Variants in TMED7 observed in about 807,000 individuals in gnomAD.
TMED7 encodes the protein transmembrane p24 trafficking protein 7, also known as transmembrane emp24 domain-containing protein 7.
A neutral mutation model predicts 23.4 loss-of-function variants in TMED7; 8 were observed. The observed-to-expected ratio is 0.34, with a 90% CI of 0.20 to 0.62. TMED7 has a LOEUF of 0.62. TMED7 is among the 20% of genes least tolerant of loss of function. The probability of loss-of-function intolerance (pLI) is 0.77; values close to 1 mark genes in which losing one functional copy is unlikely to be tolerated. For synonymous variants in TMED7, 121 were observed against 108.5 expected (o/e 1.12, Z -0.72); for missense variants, 232 against 279.1 (o/e 0.83, Z 1.20).
At chr5:115,622,094 A>G (rs1757049350) in intron 1 of TMED7, among the ~76,000 whole-genome samples, 1 of 152,158 alleles carries the variant, frequency 6.6e-6, no homozygotes, top group Admixed American at 6.5e-5. Flanking sequence ...CCTCACCAAA[A>G]AGTCAGTAAC....
intron 1 of TMED7, among the ~76,000 whole-genome samples, chr5:115,625,169 C>T (rs1442352618): frequency 6.6e-6 from 1 of 152,152 alleles, no homozygotes; most frequent in Admixed American, 6.5e-5. Flanking sequence ...TGACAAGGAC[C>T]GTATTAACCA....
At position 115,625,826 on chromosome 5, in the gene TMED7, C is replaced by A; in HGVS notation, c.-34G>T. 1 of 1,384,326 alleles carries A rather than the reference C, an allele frequency of 7.2e-7. No homozygotes were observed. Among genetic ancestry groups the A allele is most frequent in the Non-Finnish European group, 9.3e-7 (1 of 1,076,376 alleles). The allele number at this position is 1,384,326 out of a possible 1,614,324, so 85.8% of individuals were successfully genotyped here. On this transcript the variant is annotated 5_prime_UTR_variant, in exon 1 of 3. Coordinates refer to ENST00000456936, the MANE Select transcript of TMED7 (RefSeq NM_181836.6). ...GGCGGCGGCGGCCTCAACCGAGCTG[C>A]GAGACGCAGGGTCAGGTCTGCGCGG... is the stretch of plus-strand genomic sequence containing the variant.
At chr5:115,621,966 T>G (rs1265585367) in intron 1 of TMED7, among the ~76,000 whole-genome samples, 2 of 152,212 alleles carry the variant, frequency 1.3e-5, no homozygotes, top group Non-Finnish European at 2.9e-5. Flanking sequence ...ATCATTTTGA[T>G]AATCTAATGA....
At chr5:115,617,293 A>G (rs1756807799) in intron 2 of TMED7, among the ~76,000 whole-genome samples, 1 of 152,200 alleles carries the variant, frequency 6.6e-6, no homozygotes, top group Non-Finnish European at 1.5e-5. Context: ...GCCTGTATTA[A>G]GAGTTTTAAA....
chr5:115,617,855 G>A (rs894515842), intron 2 of TMED7, among the ~76,000 whole-genome samples: 3 of 152,152 alleles, frequency 2.0e-5, no homozygotes, highest in Non-Finnish European at 4.4e-5. Flanking sequence ...GTGCAATGGC[G>A]CAATCTTGGC....
chr5:115,625,626 C>A lies in TMED7; in HGVS notation c.167G>T (p.Gly56Val). Residue 56 changes from glycine (G) to valine (V), a missense_variant, in exon 1 of 3, where the codon GGC (glycine) becomes GTC (valine). By Grantham distance (109) the Gly-to-Val change is moderately radical. This residue lies in a region of TMED7 where 106 missense variants were observed against 97.0 expected (regional missense o/e 1.09). Coordinates refer to ENST00000456936, the MANE Select transcript of TMED7 (RefSeq NM_181836.6). Reference sequence around the variant, plus strand: ...CTGGAACTCCAGGGTGCACTTGGTGCCCTGAGCGATGTCCTCGTAGAAGCA... The same window carrying A: ...CTGGAACTCCAGGGTGCACTTGGTGACCTGAGCGATGTCCTCGTAGAAGCA... ...KQCFYEDIAQ[G>V]TKCTLEFQVI... is the part of the protein sequence containing the mutation. 1 of 1,597,830 alleles carries A rather than the reference C, an allele frequency of 6.3e-7. No individual in the cohort carries two copies. The highest frequency in any genetic ancestry group is 1.7e-4 in the Middle Eastern group (1 of 6,022).
chr5:115,615,952 C>A lies in TMED7; in HGVS notation c.*257G>T. On this transcript the variant is annotated 3_prime_UTR_variant, in exon 3 of 3. Transcript: ENST00000456936. ...TTAGTGTGCGAAGAGTAGATATAAA[C>A]AACTGCGAACAGAGTAGATCATTGG... 1 of 468,262 alleles carries A rather than the reference C, an allele frequency of 2.1e-6. No individual in the cohort carries two copies. Among genetic ancestry groups the A allele is most frequent in the Non-Finnish European group, 3.8e-6 (1 of 260,892 alleles). The allele number at this position is 468,262 out of a possible 1,614,324, so 29.0% of individuals were successfully genotyped here. A position where few individuals can be genotyped will look rare whatever the true frequency, so the allele number is the denominator to read the frequency against.
In TMED7 at chr5:115,625,692, G is replaced by A; in HGVS notation, c.101C>T (p.Ala34Val). 1 of 1,602,528 alleles carries A rather than the reference G, an allele frequency of 6.2e-7. No homozygotes were observed. Residue 34 changes from alanine to valine, a missense_variant, in exon 1 of 3, where the codon GCC (alanine) becomes GTC (valine). By Grantham distance (64) the Ala-to-Val change is moderately conservative. Around this residue, in one of 2 missense-constraint regions of TMED7, gnomAD observed 106 missense variants for 97.0 expected, o/e 1.09. Coordinates refer to ENST00000456936, the MANE Select transcript of TMED7 (RefSeq NM_181836.6). ...LLLLVPGPGG[A>V]SEITFELPDN... is the part of the protein sequence containing the mutation. ...AGGAAGCTCGAAGGTGATCTCAGAG[G>A]CGCCGCCGGGTCCAGGCACCAGTAG...
rs1219358745 is a variant in TMED7, at chr5:115,614,711, G to A, written c.*1498C>T. ...AGGCATGACAACTTGAATTTGTTTT[G>A]CTCTTCCATGCAAGAAGTATATATA... On this transcript the variant is annotated 3_prime_UTR_variant, in exon 3 of 3. Transcript: ENST00000456936. The A allele has an allele frequency of 1.3e-5, 2 of 152,176 alleles. No individual in the cohort carries two copies. Among genetic ancestry groups the A allele is most frequent in the Non-Finnish European group, 2.9e-5 (2 of 67,954 alleles). The allele number at this position is 152,176 out of a possible 1,614,324, so 9.4% of individuals were successfully genotyped here.
intron 1 of TMED7, 128 bp downstream of exon 1, chr5:115,625,473 T>C (rs1413104690): frequency 3.6e-6 from 4 of 1,125,636 alleles, no homozygotes; most frequent in Non-Finnish European, 4.7e-6. Flanking sequence ...GGGCATCAGC[T>C]ACCTAGAAGC....
At chr5:115,623,925 C>T (rs773086540) in intron 1 of TMED7, among the ~76,000 whole-genome samples, 21 of 152,162 alleles carry the variant, frequency 1.4e-4, no homozygotes, top group Admixed American at 1.2e-3. Flanking sequence ...CTTGGGACTG[C>T]GTTACTGATT....
intron 2 of TMED7, chr5:115,619,103 TTTA>T (rs1756916322): frequency 6.6e-6 from 1 of 152,176 alleles, no homozygotes; most frequent in African/African-American, 2.4e-5. Context: ...TACTAACTGC[TTTA>T]TTACCATTCA....
intron 1 of TMED7, among the ~76,000 whole-genome samples, chr5:115,624,684 T>C (rs995330669): frequency 1.3e-5 from 2 of 152,222 alleles, no homozygotes; most frequent in African/African-American, 2.4e-5. Flanking sequence ...CCTCTCTCTA[T>C]GGCCCTGAAA....
At chr5:115,620,131 G>A (rs1005801132) in intron 2 of TMED7, 1 of 214,762 alleles carries the variant, frequency 4.7e-6, no homozygotes, top group Non-Finnish European at 8.8e-6. Context: ...TGCTTCAGAA[G>A]ATTGGAACAC....
Position 115,616,394 on chromosome 5 carries a change from A to T in TMED7, c.490T>A (p.Tyr164Asn). The T allele has an allele frequency of 6.2e-7, 1 of 1,614,212 alleles. No individual in the cohort carries two copies. The highest frequency in any genetic ancestry group is 8.5e-7 in the Non-Finnish European group (1 of 1,180,014). ...IHEALKSVID[Y>N]QTHFRLREAQ... ...TCTCTTAAACGGAAATGAGTCTGAT[A>T]ATCGATGACAGACTTCAGAGCTTCG... Residue 164 changes from tyrosine to asparagine, a missense_variant, in exon 3 of 3, where the codon TAT becomes AAT. By Grantham distance (143) the Tyr-to-Asn change is moderately radical. Transcript: ENST00000456936.
In TMED7 at chr5:115,625,850, G is replaced by T; in HGVS notation, c.-58C>A. 7.4e-7 allele frequency: 1 copy of T among 1,343,142 alleles called. No individual in the cohort carries two copies. Among genetic ancestry groups the T allele is most frequent in the Non-Finnish European group, 9.5e-7 (1 of 1,054,028 alleles). The allele number at this position is 1,343,142 out of a possible 1,614,324, so 83.2% of individuals were successfully genotyped here. ...GCGAGACGCAGGGTCAGGTCTGCGC[G>T]GACTCACCGCGCGCGGCAGGCCTCA... On this transcript the variant is annotated 5_prime_UTR_variant, in exon 1 of 3. Transcript: ENST00000456936.
rs1414822617 is a variant in TMED7, at chr5:115,613,629, A to C, written c.*2580T>G. On this transcript the variant is annotated 3_prime_UTR_variant, in exon 3 of 3. Transcript: ENST00000456936. ...TATATATTAATTTTTTGAAAACAATAGTCATAGGGCCTGCTTTGTCCTATT... is the reference window on the plus strand; with the variant it reads ...TATATATTAATTTTTTGAAAACAATCGTCATAGGGCCTGCTTTGTCCTATT... 2 of 152,382 alleles carry C rather than the reference A, an allele frequency of 1.3e-5. No individual in the cohort carries two copies. The highest frequency in any genetic ancestry group is 4.8e-5 in the African/African-American group (2 of 41,466). The allele number at this position is 152,382 out of a possible 1,614,324, so 9.4% of individuals were successfully genotyped here.
chr5:115,625,183 G>C (rs570839676), intron 1 of TMED7, among the ~76,000 whole-genome samples: 1 of 152,164 alleles, frequency 6.6e-6, no homozygotes, highest in Non-Finnish European at 1.5e-5. Context: ...TTAACCAACA[G>C]TCCTAATATT....
At chr5:115,622,635 T>C (rs1415699274) in intron 1 of TMED7, among the ~76,000 whole-genome samples, 1 of 152,164 alleles carries the variant, frequency 6.6e-6, no homozygotes, top group Non-Finnish European at 1.5e-5. Flanking sequence ...TGATGCCGAA[T>C]GTCTCCTGGG....
Sources: allele counts gnomAD v4.1 joint callset (sites outside exome capture counted in the v4.1 genomes callset), GRCh38; gene constraint gnomAD v4.1.1; regional missense constraint gnomAD v4.1.1; transcripts MANE v1.5; gene names NCBI Gene and HGNC (gene_info 2026-07-23, HGNC 2026-07-21).